Variants in CMIP observed in about 807,000 individuals in gnomAD.
The protein encoded by CMIP is C-Maf-inducing protein.
Under a neutral mutation model 97.3 loss-of-function variants are expected in CMIP, and 13 were observed. The observed-to-expected ratio is 0.13, with a 90% CI of 0.09 to 0.21. The LOEUF (loss-of-function observed/expected upper bound fraction) is 0.21. CMIP is among the 10% of genes least tolerant of loss of function. The pLI, the probability that CMIP is intolerant of heterozygous loss-of-function variation, is 1.00. For missense variants in CMIP, 847 were observed against 1,024.9 expected (o/e 0.83, Z 2.37); for synonymous variants, 538 against 436.3 (o/e 1.23, Z -2.91).
At chr16:81,489,521 G>A (rs545857159) in intron 1 of CMIP, among the ~76,000 whole-genome samples, 1 of 152,222 alleles carries the variant, frequency 6.6e-6, no homozygotes, top group Admixed American at 6.5e-5. Context: ...TTCCAAAAGT[G>A]CCGCTGTACC....
rs1030294479 is a variant in CMIP at position 81,587,333 on chromosome 16, A to T, written c.301-20234A>T. 5.3e-5 allele frequency among the ~76,000 whole-genome samples: 8 copies of T among 152,296 alleles called. No homozygotes were observed. The South Asian group carries it at 1.0e-3, about 20-fold the overall frequency. ...CACCTCTGCTCATTATATGATGAGT[A>T]TGTTTGGTAGGCAGAATTTTGAAAG... On this transcript the variant is annotated intron_variant, in intron 1 of 20. Transcript: ENST00000537098.
chr16:81,602,135 G>A (rs531690251), intron 1 of CMIP, among the ~76,000 whole-genome samples: 4 of 152,304 alleles, frequency 2.6e-5, no homozygotes, highest in East Asian at 1.9e-4. Flanking sequence ...TGTCCCTGAG[G>A]GAGGGGGTGA....
chr16:81,561,770 T>C (rs961235683), intron 1 of CMIP, among the ~76,000 whole-genome samples: 3 of 152,230 alleles, frequency 2.0e-5, no homozygotes, highest in South Asian at 2.1e-4. Context: ...TGTGTAGCCA[T>C]TGGAATTTAA....
intron 10 of CMIP, among the ~76,000 whole-genome samples, chr16:81,679,787 C>T (rs903363021): frequency 2.6e-5 from 4 of 152,082 alleles, no homozygotes; most frequent in African/African-American, 9.7e-5. Context: ...TCTCTCCAGC[C>T]TTGCCATCCA....
intron 4 of CMIP, among the ~76,000 whole-genome samples, chr16:81,653,858 C>G (rs2092455264): frequency 6.6e-6 from 1 of 152,250 alleles, no homozygotes. Flanking sequence ...AATGGTCCAT[C>G]TGCCTTGGCC....
In CMIP at chr16:81,674,962, A is replaced by AAAAG. The variant is rs143904062; in HGVS notation, c.1034+2916_1034+2919dup. 9.5e-3 allele frequency among the ~76,000 whole-genome samples: 1,444 copies of AAAAG among 152,096 alleles called. 6 individuals carry two copies. Among genetic ancestry groups the AAAAG allele is most frequent in the African/African-American group, 0.026 (1,085 of 41,434 alleles). On this transcript the variant is annotated intron_variant, in intron 9 of 20. Coordinates refer to ENST00000537098, the MANE Select transcript of CMIP (RefSeq NM_198390.3). ...ACTTTGGGTTATATGTCAATTTAAA[A>AAAAG]AAAGAAAGAAAGAAAGAAAGAAAGA...
At chr16:81,449,773 T>A (rs111660139) in intron 1 of CMIP, among the ~76,000 whole-genome samples, 88 of 151,904 alleles carry the variant, frequency 5.8e-4, no homozygotes, top group African/African-American at 1.9e-3. Context: ...GGGGAGGGGC[T>A]GAGACAGAGA....
rs748312191 is a variant in CMIP at position 81,640,077 on chromosome 16, C to G, written c.478-12126C>G. ...CGAGCCCCATGCTGACGTCCCTACCCGAATTCTCCTGGAAGTTCCTCCTGT... is the reference window on the plus strand; with the variant it reads ...CGAGCCCCATGCTGACGTCCCTACCGGAATTCTCCTGGAAGTTCCTCCTGT... On this transcript the variant is annotated intron_variant, in intron 3 of 20. Coordinates refer to ENST00000537098, the MANE Select transcript of CMIP (RefSeq NM_198390.3). Among the ~76,000 whole-genome samples, 31 of 152,262 alleles carry G rather than the reference C, an allele frequency of 2.0e-4. 1 individual carries two copies. The highest frequency in any genetic ancestry group is 7.0e-4 in the African/African-American group (29 of 41,544).
chr16:81,581,023 AGTACATG>A (rs1225600477), intron 1 of CMIP, among the ~76,000 whole-genome samples: 1 of 152,106 alleles, frequency 6.6e-6, no homozygotes, highest in African/African-American at 2.4e-5. Context: ...ACAATCACAC[AGTACATG>A]GTCTTTTTCC....
At chr16:81,693,559 C>G (rs955479630) in intron 13 of CMIP, 72 bp downstream of exon 13, 23 of 1,494,588 alleles carry the variant, frequency 1.5e-5, no homozygotes, top group Non-Finnish European at 2.0e-5. Context: ...CCCTTAGAGG[C>G]CTTCTGAAGC....
chr16:81,621,621 T>A lies in CMIP; in HGVS notation c.477+695T>A, dbSNP rs1736394282. The A allele has an allele frequency of 6.5e-6, 1 of 152,718 alleles. No homozygotes were observed. The highest frequency in any genetic ancestry group is 1.5e-5 in the Non-Finnish European group (1 of 68,138). The allele number at this position is 152,718 out of a possible 1,614,324, so 9.5% of individuals were successfully genotyped here. On this transcript the variant is annotated intron_variant, in intron 3 of 20. Coordinates refer to ENST00000537098, the MANE Select transcript of CMIP (RefSeq NM_198390.3). This position sits in a 1 kb window ranked among gnomAD's most constrained non-coding sequence, Gnocchi z 4.1. ...CTCCCTGTCTCTCCTTGTCTTCTGA[T>A]CTTCTGGTTTAGAACAAGCTTTGAC...
At chr16:81,574,242 G>T (rs919381224) in intron 1 of CMIP, among the ~76,000 whole-genome samples, 1 of 152,214 alleles carries the variant, frequency 6.6e-6, no homozygotes, top group African/African-American at 2.4e-5. Flanking sequence ...TCCCTCACCT[G>T]CAGGCTGTGA....
chr16:81,704,157 C>G (rs969130469), intron 18 of CMIP, 72 bp downstream of exon 18: 4 of 1,388,944 alleles, frequency 2.9e-6, no homozygotes, highest in South Asian at 2.5e-5. Flanking sequence ...CCCTATTCCC[C>G]CGTACCATCT....
rs536720622 is a variant in CMIP at position 81,532,556 on chromosome 16, C to G, written c.301-75011C>G. Among the ~76,000 whole-genome samples, 447 of 152,316 alleles carry G rather than the reference C, an allele frequency of 2.9e-3. 3 individuals carry two copies. Among genetic ancestry groups the G allele is most frequent in the Non-Finnish European group, 3.7e-3 (253 of 68,026 alleles). ...CTGTTGCCCTCGCTCAGTCTCGCCA[C>G]CACAGGAGGCCTCGGCTTGCCCAGC... On this transcript the variant is annotated intron_variant, in intron 1 of 20. Transcript: ENST00000537098.
chr16:81,551,372 G>A (rs2090655609), intron 1 of CMIP, among the ~76,000 whole-genome samples: 1 of 152,242 alleles, frequency 6.6e-6, no homozygotes, highest in African/African-American at 2.4e-5. Context: ...TAGCTAATTA[G>A]CAAGTGACAA....
intron 3 of CMIP, among the ~76,000 whole-genome samples, chr16:81,632,411 G>A (rs761328514): frequency 1.1e-4 from 17 of 152,284 alleles, no homozygotes; most frequent in Non-Finnish European, 1.9e-4. Context: ...TATCATCCAC[G>A]CGGTTCCGTT....
chr16:81,450,713 A>G (rs990647834), intron 1 of CMIP, among the ~76,000 whole-genome samples: 3 of 152,242 alleles, frequency 2.0e-5, no homozygotes, highest in Non-Finnish European at 2.9e-5. Context: ...AATTCTTGCC[A>G]GCAGTTTAAG....
At chr16:81,610,098 G>T (rs1363586100) in intron 2 of CMIP, among the ~76,000 whole-genome samples, 1 of 152,190 alleles carries the variant, frequency 6.6e-6, no homozygotes, top group African/African-American at 2.4e-5. Context: ...CCAGCAAAGG[G>T]GCCTCATTCC....
At chr16:81,483,598 T>TCCC (rs61481166) in intron 1 of CMIP, among the ~76,000 whole-genome samples, 2,064 of 145,722 alleles carry the variant, frequency 0.014, 14 homozygotes, top group Non-Finnish European at 0.021. Context: ...CCTCTTCCTC[T>TCCC]TCCTCTCCCT....
Sources: gnomAD v4.1 joint callset for allele counts (sites outside exome capture counted in the v4.1 genomes callset) on GRCh38, gnomAD v4.1.1 for gene constraint, Gnocchi (gnomAD v3.1) non-coding constraint, MANE v1.5 for transcripts, NCBI Gene and HGNC (gene_info 2026-07-23, HGNC 2026-07-21) for gene names.